SORBS3: variants seen among roughly 807,000 people sequenced by gnomAD.
SORBS3 encodes sorbin and SH3 domain containing 3, also known as vinexin.
Under a neutral mutation model 98.0 loss-of-function variants are expected in SORBS3, and 69 were observed. The ratio of observed to expected loss-of-function variants is 0.70; its 90% CI spans 0.58 to 0.86. The LOEUF is 0.86. Ranked by LOEUF, SORBS3 falls within the 40% of genes least tolerant of loss-of-function variation. The pLI is 0.00. For missense variants in SORBS3, 954 were observed against 908.5 expected (o/e 1.05, Z -0.64); for synonymous variants, 394 against 355.4 (o/e 1.11, Z -1.22).
Position 22,572,327 on chromosome 8 carries a change from AC to A in SORBS3, c.1848-12del, listed in dbSNP as rs763333437. 10 of 1,611,166 alleles carry A rather than the reference AC, an allele frequency of 6.2e-6. No individual in the cohort carries two copies. In the African/African-American group the frequency reaches 1.3e-4, roughly 22 times the overall value. ...GGGCCCATTCTCTGGTTGCCATGAT[AC>A]GCTTCTCGCAGGTACCGGGCGATGT... On this transcript the variant is annotated splice_polypyrimidine_tract_variant and intron_variant, in intron 19 of 20. Coordinates refer to ENST00000240123, the MANE Select transcript of SORBS3 (RefSeq NM_005775.5).
chr8:22,549,773 A>T (rs547218375), upstream of SORBS3: 6 of 154,544 alleles, frequency 3.9e-5, no homozygotes, highest in Non-Finnish European at 8.5e-5. Context: ...CCCGATTCCC[A>T]TAGAGATGAA....
At position 22,572,390 on chromosome 8, in the gene SORBS3, T is replaced by G. The variant is rs1840611561; in HGVS notation, c.1898T>G (p.Leu633Arg). Residue 633 changes from leucine to arginine, a missense_variant, in exon 20 of 21, where the codon CTG (leucine) becomes CGG (arginine). Transcript: ENST00000240123. ...CCCCAGAACGAAGACGAGCTGGAGC[T>G]GCGCGAGGGGGACAGGGTGGATGTC... ...YRPQNEDELELREGDRVDVMQ... is the reference protein window; with the variant it reads ...YRPQNEDELERREGDRVDVMQ... 1 of 1,613,912 alleles carries G rather than the reference T, an allele frequency of 6.2e-7. No homozygotes were observed. Among genetic ancestry groups the G allele is most frequent in the African/African-American group, 1.3e-5 (1 of 74,910 alleles).
chr8:22,565,507 C>T, intron 11 of SORBS3, 153 bp downstream of exon 11: 1 of 615,726 alleles, frequency 1.6e-6, no homozygotes, highest in Non-Finnish European at 2.4e-6. Flanking sequence ...TGGGCGCTGG[C>T]GGGCTCGCTC....
At chr8:22,567,246 A>C (rs1840450583) in intron 16 of SORBS3, 71 bp downstream of exon 16, 3 of 1,163,838 alleles carry the variant, frequency 2.6e-6, no homozygotes, top group Non-Finnish European at 3.8e-6. Context: ...ACTTAGTGCA[A>C]ACCTTGGGTT....
chr8:22,546,012 T>C (rs1840012349), intron 1 of SORBS3, among the ~76,000 whole-genome samples: 1 of 152,202 alleles, frequency 6.6e-6, no homozygotes, highest in Non-Finnish European at 1.5e-5. Context: ...GGTCAAGACG[T>C]CAGACCAGTT....
chr8:22,553,078 G>C (rs1840116041), intron 1 of SORBS3, among the ~76,000 whole-genome samples: 1 of 152,132 alleles, frequency 6.6e-6, no homozygotes, highest in South Asian at 2.1e-4. Context: ...GCTGGGTCCA[G>C]GGGCTGAGTC....
At chr8:22,564,417 C>T in intron 9 of SORBS3, 48 bp downstream of exon 9, 3 of 1,613,662 alleles carry the variant, frequency 1.9e-6, no homozygotes, top group Non-Finnish European at 2.5e-6. Flanking sequence ...TCAGCTGATA[C>T]ATTTTGGAAA....
chr8:22,572,539 T>C, intron 20 of SORBS3, 93 bp downstream of exon 20: 2 of 1,018,474 alleles, frequency 2.0e-6, no homozygotes, highest in South Asian at 1.3e-5. Flanking sequence ...CAAAGATTCA[T>C]GGCCGACCAC....
chr8:22,565,762 G>C, intron 11 of SORBS3, 64 bp from the exon 12 acceptor site: 2 of 1,290,380 alleles, frequency 1.5e-6, no homozygotes, highest in Non-Finnish European at 2.0e-6. Flanking sequence ...TTCCGGAGGC[G>C]GCGGCCTCGG....
rs752449301 is a variant in SORBS3, at chr8:22,564,508, C to G, written c.803C>G (p.Ser268Cys). The change falls in exon 10 of 21, where the codon TCC becomes TGC. Residue 268 changes from serine (S) to cysteine (C), a missense_variant. Ser to Cys is a moderately radical substitution (Grantham distance 112). Coordinates refer to ENST00000240123, the MANE Select transcript of SORBS3 (RefSeq NM_005775.5). The part of the protein sequence containing the change: ...PLVDDPGEKP[S>C]QPIEVLLERE... The stretch of plus-strand genomic sequence containing the variant: ...GTGGACGACCCTGGTGAGAAGCCCT[C>G]CCAGCCCATTGAGGTGAGTGCTGCA... The G allele has an allele frequency of 6.2e-7, 1 of 1,614,066 alleles. No individual in the cohort carries two copies. Among genetic ancestry groups the G allele is most frequent in the Non-Finnish European group, 8.5e-7 (1 of 1,180,028 alleles).
chr8:22,567,236 A>G (rs56177854), intron 16 of SORBS3, 61 bp downstream of exon 16: 137,878 of 1,217,568 alleles, frequency 0.11, 9,315 homozygotes, highest in African/African-American at 0.15. Context: ...GTTGGGAGAG[A>G]CTTAGTGCAA....
Position 22,561,858 on chromosome 8 carries a change from TCTGCAGACCCC to T in SORBS3, c.518-6_522del, listed in dbSNP as rs1455610991. The T allele has an allele frequency of 6.2e-7, 1 of 1,613,804 alleles. No homozygotes were observed. Among genetic ancestry groups the T allele is most frequent in the Non-Finnish European group, 8.5e-7 (1 of 1,179,812 alleles). ...TTCAATGCTTTCCTCGTGTACCTCCTCTGCAGACCCCAGGCATCTAGGAGCCCAGCAAAGAC... is the reference window on the plus strand; with the variant it reads ...TTCAATGCTTTCCTCGTGTACCTCCTAGGCATCTAGGAGCCCAGCAAAGAC... On this transcript the variant is annotated splice_acceptor_variant and splice_polypyrimidine_tract_variant and coding_sequence_variant and intron_variant, in exon 7 of 21. Transcript: ENST00000240123. LOFTEE classifies it high-confidence loss of function.
At chr8:22,549,397 C>T (rs374235960), upstream of SORBS3, among the ~76,000 whole-genome samples, 200 of 152,338 alleles carry the variant, frequency 1.3e-3, no homozygotes, top group African/African-American at 4.5e-3. Context: ...GGGGAGCTGA[C>T]GCTAGAGGGA....
At chr8:22,567,870 C>T (rs1222052651) in intron 16 of SORBS3, among the ~76,000 whole-genome samples, 3 of 141,102 alleles carry the variant, frequency 2.1e-5, no homozygotes, top group Non-Finnish European at 4.5e-5. Flanking sequence ...TTTGGAGAGA[C>T]AGAGTCTTGC....
chr8:22,555,429 C>T (rs944381605), intron 3 of SORBS3, among the ~76,000 whole-genome samples: 1 of 152,204 alleles, frequency 6.6e-6, no homozygotes, highest in African/African-American at 2.4e-5. Flanking sequence ...TGGGTGCAGG[C>T]CAGCCCTGAA....
At chr8:22,564,106 G>A (rs1354914232) in intron 8 of SORBS3, 29 bp downstream of exon 8, 3 of 1,602,392 alleles carry the variant, frequency 1.9e-6, no homozygotes, top group Admixed American at 3.3e-5. Flanking sequence ...TCCCTGGTCA[G>A]CCCCAGCTGT....
At chr8:22,570,870 A>C (rs751390096) in intron 17 of SORBS3, 40 bp from the exon 18 acceptor site, 1 of 1,546,184 alleles carries the variant, frequency 6.5e-7, no homozygotes, top group Non-Finnish European at 8.8e-7. Flanking sequence ...GGTCCATGGC[A>C]CCAGGAAGGC....
chr8:22,566,285 G>A, intron 12 of SORBS3, 60 bp from the exon 13 acceptor site: 2 of 1,581,666 alleles, frequency 1.3e-6, no homozygotes, highest in Non-Finnish European at 1.7e-6. Flanking sequence ...GCGGTCTAGG[G>A]GTGACCAGGG....
At position 22,565,300 on chromosome 8, in the gene SORBS3, C is replaced by A; in HGVS notation, c.849C>A (p.Ser283Arg). ...VLLERELAELSAELDKDLRAI... is the reference protein window; with the variant it reads ...VLLERELAELRAELDKDLRAI... ...TGGAGAGAGAGCTGGCCGAGCTGAG[C>A]GCCGAGCTGGACAAGGACCTGCGGG... The change falls in exon 11 of 21, where the codon AGC (serine) becomes AGA (arginine). Residue 283 changes from serine (S) to arginine (R), a missense_variant. Ser to Arg is a moderately radical substitution (Grantham distance 110). Coordinates refer to ENST00000240123, the MANE Select transcript of SORBS3 (RefSeq NM_005775.5). 1 of 1,558,196 alleles carries A rather than the reference C, an allele frequency of 6.4e-7. No homozygotes were observed.
Sources: allele counts gnomAD v4.1 joint callset (sites outside exome capture counted in the v4.1 genomes callset), GRCh38; gene constraint gnomAD v4.1.1; transcripts MANE v1.5; gene names NCBI Gene and HGNC (gene_info 2026-07-23, HGNC 2026-07-21).